FTO: variants seen among roughly 807,000 people sequenced by gnomAD.
The protein encoded by FTO is FTO alpha-ketoglutarate dependent dioxygenase, also known as alpha-ketoglutarate-dependent dioxygenase FTO.
A neutral mutation model predicts 63.9 loss-of-function variants in FTO; 47 were observed. The ratio of observed to expected loss-of-function variants is 0.74; its 90% CI spans 0.58 to 0.94. The LOEUF (loss-of-function observed/expected upper bound fraction) is 0.94. Among genes scored for constraint, FTO ranks in the 40% least tolerant of loss-of-function variants. FTO has a pLI of 0.00. For synonymous variants in FTO, 207 were observed against 224.4 expected (o/e 0.92, Z 0.69); for missense variants, 562 against 618.1 (o/e 0.91, Z 0.96).
chr16:53,986,662 A>T (rs1233768638), intron 8 of FTO, among the ~76,000 whole-genome samples: 5 of 152,214 alleles, frequency 3.3e-5, no homozygotes, highest in African/African-American at 1.2e-4. Flanking sequence ...CTAATTTCCA[A>T]TTTAGGGTTT....
intron 8 of FTO, among the ~76,000 whole-genome samples, chr16:54,054,008 G>T (rs557005999): frequency 1.3e-5 from 2 of 152,012 alleles, no homozygotes; most frequent in African/African-American, 4.8e-5. Context: ...CTTAGATCCT[G>T]GTGTCGGTTT....
rs57019087 is a variant in FTO at position 53,858,706 on chromosome 16, G to C, written c.895+14408G>C. On this transcript the variant is annotated intron_variant, in intron 4 of 8. Coordinates refer to ENST00000471389, the MANE Select transcript of FTO (RefSeq NM_001080432.3). ...GACGGGGTCTTGATCTGTCACCCAG[G>C]CTGGAGGGCAGTGGTGGGATCTCGG... Among the ~76,000 whole-genome samples, 930 of 152,034 alleles carry C rather than the reference G, an allele frequency of 6.1e-3. 15 individuals are homozygous for C. Among genetic ancestry groups the C allele is most frequent in the African/African-American group, 0.021 (889 of 41,488 alleles).
intron 7 of FTO, among the ~76,000 whole-genome samples, chr16:53,900,167 G>C (rs1391099483): frequency 4.6e-5 from 7 of 152,116 alleles, no homozygotes. Flanking sequence ...AGTAGCACAG[G>C]GTGGCCTTCT....
chr16:53,714,421 A>G (rs2075846008), intron 1 of FTO, among the ~76,000 whole-genome samples: 1 of 152,194 alleles, frequency 6.6e-6, no homozygotes, highest in Non-Finnish European at 1.5e-5. Flanking sequence ...TTCTATTTCT[A>G]TGTACAGCCG....
At chr16:53,728,122 C>T (rs761721453) in intron 1 of FTO, among the ~76,000 whole-genome samples, 1 of 151,998 alleles carries the variant, frequency 6.6e-6, no homozygotes, top group Non-Finnish European at 1.5e-5. Context: ...ACCTGTAGTC[C>T]TAGCTACTTG....
intron 8 of FTO, among the ~76,000 whole-genome samples, chr16:53,976,863 A>G (rs1192725337): frequency 6.6e-6 from 1 of 152,074 alleles, no homozygotes; most frequent in African/African-American, 2.4e-5. Flanking sequence ...TCATATAGTT[A>G]CCTTACTAAA....
chr16:54,068,957 G>A (rs2085795889), intron 8 of FTO, among the ~76,000 whole-genome samples: 1 of 152,120 alleles, frequency 6.6e-6, no homozygotes, highest in Non-Finnish European at 1.5e-5. Flanking sequence ...GATGGCTGCA[G>A]GCTGAAGTAT....
intron 7 of FTO, among the ~76,000 whole-genome samples, chr16:53,909,102 C>A (rs2151939279): frequency 6.6e-6 from 1 of 152,276 alleles, no homozygotes; most frequent in Admixed American, 6.5e-5. Context: ...TTGCCATTTC[C>A]TAATTGTTCC....
intron 8 of FTO, among the ~76,000 whole-genome samples, chr16:54,004,295 G>C (rs1485663417): frequency 2.6e-5 from 4 of 152,108 alleles, no homozygotes; most frequent in Admixed American, 6.5e-5. Flanking sequence ...GAGAGGCGGA[G>C]GGGGGAGGAT....
intron 1 of FTO, among the ~76,000 whole-genome samples, chr16:53,716,742 T>C (rs2075903037): frequency 6.6e-6 from 1 of 151,730 alleles, no homozygotes; most frequent in East Asian, 1.9e-4. Flanking sequence ...TTAATGAAAT[T>C]TTTTTTCTGA....
intron 8 of FTO, among the ~76,000 whole-genome samples, chr16:53,966,676 A>G (rs7199210): frequency 4.6e-5 from 7 of 152,142 alleles, no homozygotes; most frequent in South Asian, 2.1e-4. Flanking sequence ...AGCTAATTCT[A>G]TTTAGAGGTG....
chr16:54,069,078 A>G (rs1339832034), intron 8 of FTO, among the ~76,000 whole-genome samples: 1 of 152,162 alleles, frequency 6.6e-6, no homozygotes, highest in Non-Finnish European at 1.5e-5. Context: ...ACATAATTAA[A>G]CTGATCGCTC....
At chr16:53,814,274 A>AG (rs1360309686) in intron 2 of FTO, among the ~76,000 whole-genome samples, 3 of 152,224 alleles carry the variant, frequency 2.0e-5, no homozygotes, top group Non-Finnish European at 2.9e-5. Context: ...TTACATAGTC[A>AG]GAAAACAAAC....
chr16:54,034,520 T>C (rs1208090151), intron 8 of FTO, among the ~76,000 whole-genome samples: 9 of 152,204 alleles, frequency 5.9e-5, no homozygotes, highest in African/African-American at 2.2e-4. Context: ...TCCCAAAAGT[T>C]TCCCAAATTC....
chr16:53,974,677 G>A (rs773681823), intron 8 of FTO, among the ~76,000 whole-genome samples: 3 of 151,204 alleles, frequency 2.0e-5, no homozygotes, highest in East Asian at 3.9e-4. Context: ...CCTAGGAGTC[G>A]TAATGCTCCC....
intron 4 of FTO, among the ~76,000 whole-genome samples, chr16:53,858,324 T>C (rs2151848455): frequency 6.6e-6 from 1 of 152,312 alleles, no homozygotes; most frequent in South Asian, 2.1e-4. Context: ...AGTATCCTTA[T>C]GTTTTAAAGC....
chr16:54,048,798 T>C (rs1463594071), intron 8 of FTO, among the ~76,000 whole-genome samples: 7 of 152,190 alleles, frequency 4.6e-5, no homozygotes, highest in African/African-American at 1.7e-4. Context: ...TCTTCTAAAA[T>C]TGTTTGGCTG....
At chr16:53,930,339 T>C (rs2082251641) in intron 7 of FTO, among the ~76,000 whole-genome samples, 1 of 142,650 alleles carries the variant, frequency 7.0e-6, no homozygotes, top group Non-Finnish European at 1.5e-5. Flanking sequence ...TTCTCCTGCC[T>C]CAGCCTCCTG....
intron 8 of FTO, among the ~76,000 whole-genome samples, chr16:54,065,098 CATTTT>C (rs36221204): frequency 0.061 from 7,507 of 122,302 alleles, 243 homozygotes; most frequent in African/African-American, 0.081. Context: ...GTTAGCATAA[CATTTT>C]ATTTTATTTT....
Sources: allele counts gnomAD v4.1 joint callset (sites outside exome capture counted in the v4.1 genomes callset), GRCh38; gene constraint gnomAD v4.1.1; transcripts MANE v1.5; gene names NCBI Gene and HGNC (gene_info 2026-07-23, HGNC 2026-07-21).